The following SPTLC1 variants were observed in gnomAD, a reference collection of about 807,000 sequenced individuals.
The protein encoded by SPTLC1 is serine palmitoyltransferase 1.
SPTLC1 carries 55 observed loss-of-function variants against 68.9 expected under a neutral mutation model. The ratio of observed to expected loss-of-function variants is 0.80; its 90% CI spans 0.64 to 1.00. SPTLC1 has a LOEUF of 1.00. Ranked by LOEUF, SPTLC1 falls within the 50% of genes least tolerant of loss-of-function variation. SPTLC1 has a pLI of 0.00. For missense variants in SPTLC1, 449 were observed against 573.1 expected, an observed-to-expected ratio of 0.78 and a Z score of 2.21; for synonymous variants, 197 against 201.6, an observed-to-expected ratio of 0.98 and a Z score of 0.19.
intron 8 of SPTLC1, among the ~76,000 whole-genome samples, chr9:92,053,491 G>A (rs12005181): frequency 0.035 from 5,297 of 152,210 alleles, 222 homozygotes; most frequent in Middle Eastern, 0.12. Context: ...ATTTGCAATA[G>A]CAAAAAGGTA....
Position 92,047,251 on chromosome 9 carries a change from TC to T in SPTLC1, c.1001del (p.Gly334AspfsTer12). 6.2e-7 allele frequency: 1 copy of T among 1,614,082 alleles called. No homozygotes were observed. Among genetic ancestry groups the T allele is most frequent in the Non-Finnish European group, 8.5e-7 (1 of 1,179,952 alleles). On this transcript the variant is annotated frameshift_variant, in exon 11 of 15. Transcript: ENST00000262554. LOFTEE classifies it high-confidence loss of function. Reference protein sequence around the residue: ...VIDHQRLSGQGYCFSASLPPL... With the variant: ...VIDHQRLSGQXYCFSASLPPL... ...GAGGTAACGAAGCTGAAAAGCAGTA[TC>T]CCTGGCCGGAAAGTCGCTGAGAAGA...
At chr9:92,099,294 A>G (rs1251180377) in intron 3 of SPTLC1, among the ~76,000 whole-genome samples, 2 of 152,156 alleles carry the variant, frequency 1.3e-5, no homozygotes, top group African/African-American at 4.8e-5. Flanking sequence ...TAATCCACAC[A>G]AAGGCATGAC....
intron 3 of SPTLC1, among the ~76,000 whole-genome samples, chr9:92,085,443 C>T (rs1407956225): frequency 6.6e-5 from 10 of 151,790 alleles, no homozygotes; most frequent in Non-Finnish European, 1.5e-4. Flanking sequence ...TATGTAGTGT[C>T]TTTGTTCTCG....
chr9:92,044,392 A>T (rs1471766285), intron 12 of SPTLC1, among the ~76,000 whole-genome samples: 1 of 152,168 alleles, frequency 6.6e-6, no homozygotes, highest in Non-Finnish European at 1.5e-5. Flanking sequence ...CTGTGCTGAA[A>T]ACTATGGGGA....
intron 5 of SPTLC1, among the ~76,000 whole-genome samples, chr9:92,078,874 T>C (rs1194735258): frequency 1.3e-5 from 2 of 152,152 alleles, no homozygotes; most frequent in African/African-American, 4.8e-5. Flanking sequence ...CAAACTAGCT[T>C]AGGGATAACA....
chr9:92,069,441 TACA>T (rs1420299930), intron 5 of SPTLC1, among the ~76,000 whole-genome samples: 3 of 152,194 alleles, frequency 2.0e-5, no homozygotes, highest in East Asian at 1.9e-4. Flanking sequence ...CGTAGGACTT[TACA>T]ACAACACACA....
intron 5 of SPTLC1, among the ~76,000 whole-genome samples, chr9:92,074,415 T>C (rs1386734859): frequency 6.6e-6 from 1 of 152,070 alleles, no homozygotes; most frequent in Admixed American, 6.5e-5. Context: ...TCCCTGACTA[T>C]TCCTGGACTA....
intron 3 of SPTLC1, among the ~76,000 whole-genome samples, chr9:92,103,318 A>C (rs911617118): frequency 6.6e-6 from 1 of 152,256 alleles, no homozygotes; most frequent in Non-Finnish European, 1.5e-5. Flanking sequence ...ACTGGAGCCC[A>C]GAGCATGCCA....
At chr9:92,051,076 C>G in intron 8 of SPTLC1, 1 of 984,982 alleles carries the variant, frequency 1.0e-6, no homozygotes, top group South Asian at 4.7e-5. Context: ...TAATATACGT[C>G]CTAGTATCTT....
At chr9:92,051,228 A>T in intron 8 of SPTLC1, 1 of 983,172 alleles carries the variant, frequency 1.0e-6, no homozygotes, top group Non-Finnish European at 1.2e-6. Flanking sequence ...ATTTAAAAAC[A>T]ACATATGGAA....
chr9:92,090,577 A>G (rs1835323118), intron 3 of SPTLC1, among the ~76,000 whole-genome samples: 1 of 151,886 alleles, frequency 6.6e-6, no homozygotes, highest in South Asian at 2.1e-4. Context: ...GTGCCACTGC[A>G]TTCCAGCCTG....
At chr9:92,034,743 A>G in intron 14 of SPTLC1, 67 bp downstream of exon 14, 1 of 1,377,906 alleles carries the variant, frequency 7.3e-7, no homozygotes. Flanking sequence ...ATTTTTCAAA[A>G]GATAACGTAT....
chr9:92,094,264 C>T (rs1397904659), intron 3 of SPTLC1, among the ~76,000 whole-genome samples: 1 of 152,182 alleles, frequency 6.6e-6, no homozygotes, highest in Non-Finnish European at 1.5e-5. Context: ...TTCACTGAAT[C>T]TAAGATGTCA....
chr9:92,080,776 G>T, intron 4 of SPTLC1, 94 bp downstream of exon 4: 1 of 992,388 alleles, frequency 1.0e-6, no homozygotes, highest in Non-Finnish European at 1.6e-6. Context: ...CTGACCTGAA[G>T]TGATCCACCA....
At chr9:92,080,832 A>T (rs1587954554) in intron 4 of SPTLC1, 38 bp downstream of exon 4, 1 of 1,484,508 alleles carries the variant, frequency 6.7e-7, no homozygotes. Flanking sequence ...TTAAATCAGT[A>T]ATGTTATCTG....
rs777055484 is a variant in SPTLC1 at position 92,047,672 on chromosome 9, T to C, written c.925A>G (p.Asn309Asp). ...DIDLISANME[N>D]ALASIGGFCC... The stretch of plus-strand genomic sequence containing the variant: ...AAACCTCCAATAGAAGCAAGTGCAT[T>C]CTCCATGTTGGCACTGATAAGATCA... The change falls in exon 10 of 15, where the codon AAT becomes GAT. Residue 309 changes from asparagine to aspartate, a missense_variant. By Grantham distance (23) the Asn-to-Asp change is conservative. Transcript: ENST00000262554. 6.2e-7 allele frequency: 1 copy of C among 1,613,644 alleles called. No individual in the cohort carries two copies. The highest frequency in any genetic ancestry group is 8.5e-7 in the Non-Finnish European group (1 of 1,179,682).
intron 12 of SPTLC1, among the ~76,000 whole-genome samples, chr9:92,038,714 T>G (rs1377078465): frequency 6.6e-6 from 1 of 152,232 alleles, no homozygotes; most frequent in Non-Finnish European, 1.5e-5. Flanking sequence ...ATGTTTGTTC[T>G]TCCCTGTGTT....
intron 3 of SPTLC1, among the ~76,000 whole-genome samples, chr9:92,093,794 T>C (rs1290299712): frequency 1.3e-5 from 2 of 152,174 alleles, no homozygotes; most frequent in Non-Finnish European, 2.9e-5. Context: ...CACAGAAGGA[T>C]ACAAGTTCAG....
At chr9:92,040,521 T>A (rs1178194796) in intron 12 of SPTLC1, among the ~76,000 whole-genome samples, 1 of 151,938 alleles carries the variant, frequency 6.6e-6, no homozygotes, top group Non-Finnish European at 1.5e-5. Flanking sequence ...CACTTTGGGA[T>A]GCCAAGGTTG....
Sources: gnomAD v4.1 joint callset for allele counts (sites outside exome capture counted in the v4.1 genomes callset) on GRCh38, gnomAD v4.1.1 for gene constraint, MANE v1.5 for transcripts, NCBI Gene and HGNC (gene_info 2026-07-23, HGNC 2026-07-21) for gene names.